NAALADL2: variants seen among roughly 807,000 people sequenced by gnomAD.
NAALADL2 encodes N-acetylated alpha-linked acidic dipeptidase like 2.
NAALADL2 carries 76 observed loss-of-function variants against 87.2 expected under a neutral mutation model. That is an observed-to-expected ratio of 0.87 (90% CI 0.72 to 1.05). NAALADL2 has a LOEUF of 1.05. Ranked by LOEUF, NAALADL2 falls within the 50% of genes least tolerant of loss-of-function variation. The pLI, the probability that NAALADL2 is intolerant of heterozygous loss-of-function variation, is 0.00. For missense variants in NAALADL2, 1,089 were observed against 945.8 expected (o/e 1.15, Z -1.99); for synonymous variants, 354 against 331.0 (o/e 1.07, Z -0.75).
At chr3:175,777,059 G>T (rs1311230841) in intron 13 of NAALADL2, among the ~76,000 whole-genome samples, 3 of 151,546 alleles carry the variant, frequency 2.0e-5, no homozygotes, top group African/African-American at 7.3e-5. Flanking sequence ...CATGGAGTAA[G>T]GAGGAAAATT....
intron 1 of NAALADL2, among the ~76,000 whole-genome samples, chr3:175,096,458 CTGT>C (rs1721166823): frequency 6.6e-6 from 1 of 150,742 alleles, no homozygotes; most frequent in South Asian, 2.1e-4. Context: ...ACATTCATGA[CTGT>C]TGTTATTCTC....
chr3:174,495,731 TTAATA>T (rs1285810516), intron 1 of NAALADL2, among the ~76,000 whole-genome samples: 6 of 145,548 alleles, frequency 4.1e-5, no homozygotes, highest in African/African-American at 1.5e-4. Flanking sequence ...TTTTTAGTAC[TTAATA>T]GACTTCTTGG....
At chr3:174,759,755 C>T (rs1233187032) in intron 3 of NAALADL2, among the ~76,000 whole-genome samples, 1 of 150,918 alleles carries the variant, frequency 6.6e-6, no homozygotes, top group African/African-American at 2.4e-5. Flanking sequence ...GGCTGGAGTG[C>T]AACGGCATTA....
intron 11 of NAALADL2, among the ~76,000 whole-genome samples, chr3:175,697,014 G>A (rs902287964): frequency 1.3e-5 from 2 of 152,018 alleles, no homozygotes; most frequent in Non-Finnish European, 2.9e-5. Context: ...TAAGAATACT[G>A]TTACAATGGC....
At chr3:174,782,740 C>T (rs1381520872) in intron 3 of NAALADL2, among the ~76,000 whole-genome samples, 3 of 151,806 alleles carry the variant, frequency 2.0e-5, no homozygotes, top group Non-Finnish European at 2.9e-5. Context: ...CACATGTTGG[C>T]GAGAGAGGTG....
At position 175,547,066 on chromosome 3, in the gene NAALADL2, T is replaced by A. The variant is rs114832787; in HGVS notation, c.1654-28975T>A. ...CATTCTACACAGAACTAGACAAAAC[T>A]ATTTTAAAATTCATATAGAACCAGA... On this transcript the variant is annotated intron_variant, in intron 9 of 13. Transcript: ENST00000454872. 1.5e-3 allele frequency among the ~76,000 whole-genome samples: 234 copies of A among 152,218 alleles called. 2 individuals carry two copies. Among genetic ancestry groups the A allele is most frequent in the African/African-American group, 5.3e-3 (220 of 41,552 alleles).
chr3:175,423,883 C>G (rs537801698), intron 5 of NAALADL2, among the ~76,000 whole-genome samples: 27 of 152,264 alleles, frequency 1.8e-4, no homozygotes, highest in Non-Finnish European at 3.8e-4. Context: ...GTCCCACCAA[C>G]AGTGTAAAAA....
chr3:175,017,599 G>A (rs902870360), intron 1 of NAALADL2, among the ~76,000 whole-genome samples: 2 of 151,956 alleles, frequency 1.3e-5, no homozygotes, highest in African/African-American at 4.8e-5. Context: ...TTGGTAGTCC[G>A]ATTTTCCCAA....
intron 1 of NAALADL2, among the ~76,000 whole-genome samples, chr3:174,927,004 G>A (rs1736149364): frequency 2.1e-5 from 3 of 145,710 alleles, no homozygotes; most frequent in Admixed American, 1.4e-4. Flanking sequence ...TAAAGGGATG[G>A]AAGAAGATCT....
intron 2 of NAALADL2, among the ~76,000 whole-genome samples, chr3:174,642,431 G>T (rs996500071): frequency 6.6e-5 from 10 of 151,304 alleles, no homozygotes; most frequent in African/African-American, 2.4e-4. Flanking sequence ...AACCTGGGAG[G>T]CGCAGGTTGT....
At chr3:175,722,041 T>C (rs1394898696) in intron 11 of NAALADL2, among the ~76,000 whole-genome samples, 1 of 152,054 alleles carries the variant, frequency 6.6e-6, no homozygotes, top group Non-Finnish European at 1.5e-5. Flanking sequence ...CACCATCAAT[T>C]TGGATTCTAT....
rs77018997 is a variant in NAALADL2 at position 174,933,378 on chromosome 3, C to T, written c.43+73928C>T. On this transcript the variant is annotated intron_variant, in intron 1 of 13. Transcript: ENST00000454872. ...CTCTGTGTTTCATGAGCTGTGATTA[C>T]AAATGGGTCTTCCAGTTTCTTCTGG... Among the ~76,000 whole-genome samples, 111 of 152,252 alleles carry T rather than the reference C, an allele frequency of 7.3e-4. 2 individuals are homozygous for T. The East Asian group carries it at 0.021, about 28-fold the overall frequency.
intron 2 of NAALADL2, among the ~76,000 whole-genome samples, chr3:174,699,022 A>T (rs1426084140): frequency 2.0e-5 from 3 of 151,996 alleles, no homozygotes; most frequent in Non-Finnish European, 4.4e-5. Flanking sequence ...CTGAATAGTT[A>T]TTTAAATACT....
intron 1 of NAALADL2, among the ~76,000 whole-genome samples, chr3:175,085,444 G>A (rs1718689739): frequency 6.6e-6 from 1 of 151,946 alleles, no homozygotes; most frequent in Non-Finnish European, 1.5e-5. Context: ...CATCTTTAAA[G>A]GTTATGCTCC....
intron 5 of NAALADL2, among the ~76,000 whole-genome samples, chr3:175,418,723 G>A (rs1431423864): frequency 1.3e-5 from 2 of 152,072 alleles, no homozygotes; most frequent in Non-Finnish European, 2.9e-5. Context: ...ATGGTCAAAG[G>A]GGAGGGGGCA....
At chr3:175,249,573 A>G (rs1489244793) in intron 3 of NAALADL2, among the ~76,000 whole-genome samples, 5 of 152,186 alleles carry the variant, frequency 3.3e-5, no homozygotes, top group African/African-American at 9.7e-5. Flanking sequence ...CGTCACATAT[A>G]TCTCAATGAA....
At chr3:174,925,126 T>G (rs1477265024) in intron 1 of NAALADL2, among the ~76,000 whole-genome samples, 4 of 152,338 alleles carry the variant, frequency 2.6e-5, no homozygotes, top group East Asian at 1.9e-4. Flanking sequence ...CTTGGTGTTT[T>G]AGACATGAAG....
At chr3:175,040,328 G>GT (rs1753916458) in intron 1 of NAALADL2, among the ~76,000 whole-genome samples, 1 of 152,122 alleles carries the variant, frequency 6.6e-6, no homozygotes, top group Non-Finnish European at 1.5e-5. Flanking sequence ...AGCAGAATCT[G>GT]TTTTTTCCCC....
rs79265243 is a variant in NAALADL2, at chr3:175,066,088, A to T, written c.44-30702A>T. 8.3e-3 allele frequency among the ~76,000 whole-genome samples: 1,269 copies of T among 152,246 alleles called. 14 individuals carry two copies. The highest frequency in any genetic ancestry group is 0.029 in the African/African-American group (1,211 of 41,548). ...ACTGCACTGCAGAGAACAAGTGGAA[A>T]TCCTGAAATGTAGCCACTCTGCAAT... On this transcript the variant is annotated intron_variant, in intron 1 of 13. Transcript: ENST00000454872.
Sources: gnomAD v4.1 joint callset for allele counts (sites outside exome capture counted in the v4.1 genomes callset) on GRCh38, gnomAD v4.1.1 for gene constraint, MANE v1.5 for transcripts, NCBI Gene and HGNC (gene_info 2026-07-23, HGNC 2026-07-21) for gene names.